PCDHGB6: variants seen among roughly 807,000 people sequenced by gnomAD.
The protein encoded by PCDHGB6 is protocadherin gamma subfamily B, 6, also known as protocadherin gamma-B6.
In PCDHGB6, 51 loss-of-function variants were observed where a neutral mutation model predicts 59.1. That is an observed-to-expected ratio of 0.86 (90% CI 0.69 to 1.09). The LOEUF (loss-of-function observed/expected upper bound fraction) is 1.09, where lower values mean the gene tolerates loss of function less well. Among genes scored for constraint, PCDHGB6 ranks in the 50% least tolerant of loss-of-function variants. The probability of loss-of-function intolerance (pLI) is 0.00; values close to 1 mark genes in which losing one functional copy is unlikely to be tolerated. For missense variants in PCDHGB6, 1,148 were observed against 1,205.1 expected (o/e 0.95, Z 0.70); for synonymous variants, 466 against 495.1 (o/e 0.94, Z 0.78).
intron 1 of PCDHGB6, among the ~76,000 whole-genome samples, chr5:141,444,472 C>T (rs559334960): frequency 2.1e-4 from 32 of 151,968 alleles, no homozygotes; most frequent in Admixed American, 1.5e-3. Flanking sequence ...CGCCCGGTCG[C>T]GTACTGGATT....
At position 141,493,841 on chromosome 5, in the gene PCDHGB6, T is replaced by C. The variant is rs774682943; in HGVS notation, c.2419-966T>C. On this transcript the variant is annotated intron_variant, in intron 1 of 3. Transcript: ENST00000520790. The surrounding 1 kb of genome is among the most constrained non-coding windows in gnomAD (Gnocchi z 4.3). ...CTCTGCTTCTGGGAGCAAGTATGAGTATTAATTACCAGCCCACCCCAGAAC... is the reference window on the plus strand; with the variant it reads ...CTCTGCTTCTGGGAGCAAGTATGAGCATTAATTACCAGCCCACCCCAGAAC... Among the ~76,000 whole-genome samples the C allele has an allele frequency of 3.3e-5, 5 of 152,140 alleles. No homozygotes were observed. In the East Asian group the frequency reaches 9.7e-4, roughly 29 times the overall value.
At chr5:141,448,663 G>A (rs1195703194) in intron 1 of PCDHGB6, among the ~76,000 whole-genome samples, 3 of 151,920 alleles carry the variant, frequency 2.0e-5, no homozygotes, top group African/African-American at 7.3e-5. Flanking sequence ...CATATTGGCC[G>A]GGCGCGGTGG....
intron 1 of PCDHGB6, among the ~76,000 whole-genome samples, chr5:141,473,542 G>A (rs1444751260): frequency 6.6e-6 from 1 of 152,176 alleles, no homozygotes; most frequent in Non-Finnish European, 1.5e-5. Flanking sequence ...GGGGCCTAAT[G>A]GAAGACCTCT....
intron 1 of PCDHGB6, among the ~76,000 whole-genome samples, chr5:141,464,132 G>A (rs1432411937): frequency 6.6e-6 from 1 of 152,076 alleles, no homozygotes; most frequent in Non-Finnish European, 1.5e-5. Flanking sequence ...GGGTGTGGTG[G>A]TGGGCGCCTG....
chr5:141,477,568 C>G lies in PCDHGB6; in HGVS notation c.2419-17239C>G. 1 of 1,614,172 alleles carries G rather than the reference C, an allele frequency of 6.2e-7. No individual in the cohort carries two copies. Among genetic ancestry groups the G allele is most frequent in the Non-Finnish European group, 8.5e-7 (1 of 1,180,044 alleles). On this transcript the variant is annotated intron_variant, in intron 1 of 3. Coordinates refer to ENST00000520790, the MANE Select transcript of PCDHGB6 (RefSeq NM_018926.3). The surrounding 1 kb of genome is among the most constrained non-coding windows in gnomAD (Gnocchi z 4.9). ...TACTAAACCTAAGTGTCTGGGACCC[C>G]GACGCCCCGCAGAATGCTCGGCTTT...
At chr5:141,453,311 A>C (rs2098762053) in intron 1 of PCDHGB6, among the ~76,000 whole-genome samples, 1 of 151,602 alleles carries the variant, frequency 6.6e-6, no homozygotes, top group African/African-American at 2.4e-5. Flanking sequence ...TTATTTATTT[A>C]TTTTAGAGAT....
rs780241180 is a variant in PCDHGB6, at chr5:141,490,819, C to A, written c.2419-3988C>A. On this transcript the variant is annotated intron_variant, in intron 1 of 3. Transcript: ENST00000520790. The surrounding 1 kb of genome is among the most constrained non-coding windows in gnomAD (Gnocchi z 5.4). ...CCAGCGTACCTTTGACTATGAATTGCTGCAGATGCTGCAGATTGTGGTGGG... is the reference window on the plus strand; with the variant it reads ...CCAGCGTACCTTTGACTATGAATTGATGCAGATGCTGCAGATTGTGGTGGG... 3 of 1,613,842 alleles carry A rather than the reference C, an allele frequency of 1.9e-6. No individual in the cohort carries two copies. The highest frequency in any genetic ancestry group is 2.5e-6 in the Non-Finnish European group (3 of 1,179,804).
rs1416188591 is a variant in PCDHGB6, at chr5:141,409,725, G to A, written c.1523G>A (p.Ser508Asn). The A allele has an allele frequency of 6.2e-7, 1 of 1,613,172 alleles. No homozygotes were observed. The highest frequency in any genetic ancestry group is 8.5e-7 in the Non-Finnish European group (1 of 1,179,892). The change falls in exon 1 of 4, where the codon AGC (serine) becomes AAC (asparagine). Residue 508 changes from serine (S) to asparagine (N), a missense_variant. By Grantham distance (46) the Ser-to-Asn change is conservative (BLOSUM62 1). This residue lies in a region of PCDHGB6 where 549 missense variants were observed against 527.5 expected (regional missense o/e 1.04). Coordinates refer to ENST00000520790, the MANE Select transcript of PCDHGB6 (RefSeq NM_018926.3). ...PLAVSSYVSV[S>N]AQSGVVFAQR... The stretch of plus-strand genomic sequence containing the variant: ...GCGGTGTCGTCATACGTGTCAGTGA[G>A]CGCGCAGAGCGGGGTGGTGTTCGCG...
At position 141,431,698 on chromosome 5, in the gene PCDHGB6, AT is replaced by A. The variant is rs2097408637; in HGVS notation, c.2418+21080del. ...GGGAGTTGGACCACGAGGAGTCAGG[AT>A]TCTACCAGATGGAAGTGCAAGCAAT... On this transcript the variant is annotated intron_variant, in intron 1 of 3. Coordinates refer to ENST00000520790, the MANE Select transcript of PCDHGB6 (RefSeq NM_018926.3). The surrounding 1 kb of genome is among the most constrained non-coding windows in gnomAD (Gnocchi z 4.8). 4.3e-6 allele frequency: 7 copies of A among 1,614,104 alleles called. 1 individual carries two copies. The South Asian group carries it at 7.7e-5, about 18-fold the overall frequency.
intron 1 of PCDHGB6, chr5:141,423,757 G>T (rs562479446): frequency 7.3e-5 from 29 of 395,130 alleles, no homozygotes; most frequent in Non-Finnish European, 9.5e-5. Flanking sequence ...GTTTGGGGGG[G>T]GGGTGGGGCG....
At chr5:141,472,980 C>CAAAAAAAAAAAA (rs60579131) in intron 1 of PCDHGB6, among the ~76,000 whole-genome samples, 2 of 86,098 alleles carry the variant, frequency 2.3e-5, no homozygotes, top group African/African-American at 3.9e-5. Context: ...GAGTGAAACT[C>CAAAAAAAAAAAA]AAAAAAAAAA....
chr5:141,433,194 A>G (rs1170543558), intron 1 of PCDHGB6: 18 of 1,585,754 alleles, frequency 1.1e-5, no homozygotes, highest in Non-Finnish European at 1.5e-5. Context: ...GTGAGTTTAT[A>G]TCAAATCTTC....
chr5:141,408,463 G>T lies in PCDHGB6; in HGVS notation c.261G>T (p.Lys87Asn). The part of the protein sequence containing the change: ...VDAESGDLLV[K>N]NRIDREQICK... ...CGGAGAGCGGGGACTTACTTGTGAA[G>T]AACCGAATAGACCGTGAGCAAATAT... is the stretch of plus-strand genomic sequence containing the variant. Residue 87 changes from lysine to asparagine, a missense_variant, in exon 1 of 4, where the codon AAG becomes AAT. Physicochemically the swap from Lys to Asn is moderately conservative, Grantham distance 94. Coordinates refer to ENST00000520790, the MANE Select transcript of PCDHGB6 (RefSeq NM_018926.3). 6.2e-7 allele frequency: 1 copy of T among 1,614,014 alleles called. No homozygotes were observed. The highest frequency in any genetic ancestry group is 8.5e-7 in the Non-Finnish European group (1 of 1,179,910).
At chr5:141,427,192 A>T (rs1191677237) in intron 1 of PCDHGB6, 1 of 456,566 alleles carries the variant, frequency 2.2e-6, no homozygotes. Context: ...AAATCCAAAG[A>T]CTTAATAGAC....
intron 1 of PCDHGB6, among the ~76,000 whole-genome samples, chr5:141,436,162 G>A (rs1036923915): frequency 2.6e-5 from 4 of 152,142 alleles, no homozygotes; most frequent in African/African-American, 7.2e-5. Flanking sequence ...TTTATCATAT[G>A]GACAGTTCTC....
Position 141,408,948 on chromosome 5 carries a change from T to C in PCDHGB6, c.746T>C (p.Ile249Thr), listed in dbSNP as rs768951087. 1 of 1,613,478 alleles carries C rather than the reference T, an allele frequency of 6.2e-7. No homozygotes were observed. Among genetic ancestry groups the C allele is most frequent in the Non-Finnish European group, 8.5e-7 (1 of 1,179,746 alleles). ...GTTTTCAGCAGAGACGAATATAGAA[T>C]TAGTCTTAGTGAAAATCTGCCCCCT... Reference protein sequence around the residue: ...PPVFSRDEYRISLSENLPPGS... With the variant: ...PPVFSRDEYRTSLSENLPPGS... The change falls in exon 1 of 4, where the codon ATT becomes ACT. Residue 249 changes from isoleucine to threonine, a missense_variant. Ile to Thr is a moderately conservative substitution (Grantham distance 89). Coordinates refer to ENST00000520790, the MANE Select transcript of PCDHGB6 (RefSeq NM_018926.3).
intron 1 of PCDHGB6, chr5:141,478,091 A>G: frequency 6.2e-7 from 1 of 1,613,972 alleles, no homozygotes; most frequent in African/African-American, 1.3e-5. Flanking sequence ...GCTCTCCACC[A>G]CTGCTACCCT....
At chr5:141,495,400 C>T (rs554849650) in intron 2 of PCDHGB6, among the ~76,000 whole-genome samples, 4 of 152,278 alleles carry the variant, frequency 2.6e-5, no homozygotes, top group Non-Finnish European at 1.5e-5. Flanking sequence ...ATGGAGCAGG[C>T]CCCCTTCTCC....
intron 1 of PCDHGB6, among the ~76,000 whole-genome samples, chr5:141,461,345 G>A (rs1277222105): frequency 1.3e-5 from 2 of 152,102 alleles, no homozygotes; most frequent in African/African-American, 4.8e-5. Context: ...CAGGACCAAG[G>A]TGGTAGCTCG....
Sources: allele counts gnomAD v4.1 joint callset (sites outside exome capture counted in the v4.1 genomes callset), GRCh38; gene constraint gnomAD v4.1.1; regional missense constraint gnomAD v4.1.1; non-coding constraint Gnocchi (gnomAD v3.1); transcripts MANE v1.5; gene names NCBI Gene and HGNC (gene_info 2026-07-23, HGNC 2026-07-21).